Variants in ZFYVE21 observed in about 807,000 individuals in gnomAD.
ZFYVE21 encodes the protein zinc finger FYVE-type containing 21.
In ZFYVE21, 21 loss-of-function variants were observed where a neutral mutation model predicts 29.5. The ratio of observed to expected loss-of-function variants is 0.71; its 90% CI spans 0.50 to 1.02. ZFYVE21 has a LOEUF of 1.02. ZFYVE21 is among the 50% of genes least tolerant of loss of function. The probability of loss-of-function intolerance (pLI) is 0.00; values close to 1 mark genes in which losing one functional copy is unlikely to be tolerated. For missense variants in ZFYVE21, 326 were observed against 335.4 expected, an observed-to-expected ratio of 0.97 and a Z score of 0.22; for synonymous variants, 151 against 133.8, an observed-to-expected ratio of 1.13 and a Z score of -0.89.
At position 103,733,080 on chromosome 14, in the gene ZFYVE21, A is replaced by G; in HGVS notation, c.*62A>G. 1 of 1,602,300 alleles carries G rather than the reference A, an allele frequency of 6.2e-7. No individual in the cohort carries two copies. The highest frequency in any genetic ancestry group is 8.6e-7 in the Non-Finnish European group (1 of 1,169,350). On this transcript the variant is annotated 3_prime_UTR_variant, in exon 7 of 7. Coordinates refer to ENST00000311141, the MANE Select transcript of ZFYVE21 (RefSeq NM_024071.4). ...CCAGGACTGAGTCGCTTGGAACAGC[A>G]GAGCCTGCTCCTTGCGTACCACAGG...
Position 103,716,024 on chromosome 14 carries a change from GC to G in ZFYVE21, c.138+49del. ...GCCAGCGCCTCCGACCCGCCCCGCC[GC>G]CCCGGCCCGGCCCCGCGGGCTTCCA... is the stretch of plus-strand genomic sequence containing the variant. On this transcript the variant is annotated intron_variant, in intron 1 of 6. Coordinates refer to ENST00000311141, the MANE Select transcript of ZFYVE21 (RefSeq NM_024071.4). This position sits in a 1 kb window ranked among gnomAD's most constrained non-coding sequence, Gnocchi z 4.8. The G allele has an allele frequency of 8.4e-7, 1 of 1,188,278 alleles. No individual in the cohort carries two copies. The allele number at this position is 1,188,278 out of a possible 1,614,324, so 73.6% of individuals were successfully genotyped here. A position where few individuals can be genotyped will look rare whatever the true frequency, so the allele number is the denominator to read the frequency against.
intron 5 of ZFYVE21, chr14:103,729,586 C>G (rs2083956865): frequency 1.5e-6 from 1 of 652,594 alleles, no homozygotes; most frequent in Admixed American, 3.0e-5. Context: ...GGCGTCTGTG[C>G]AGACTAAACC....
At chr14:103,726,949 T>TTTTTTTGTTTG in intron 2 of ZFYVE21, 107 bp downstream of exon 2, 2 of 686,814 alleles carry the variant, frequency 2.9e-6, no homozygotes, top group South Asian at 2.5e-5. Flanking sequence ...TTATGGCTCG[T>TTTTTTTGTTTG]TTTTTTTTTT....
Position 103,715,860 on chromosome 14 carries a change from G to C in ZFYVE21, c.19G>C (p.Ala7Pro). Residue 7 changes from alanine to proline, a missense_variant, in exon 1 of 7, where the codon GCG (alanine) becomes CCG (proline). Transcript: ENST00000311141. The stretch of plus-strand genomic sequence containing the variant: ...CGGCGTCATGTCCTCCGAGGTGTCC[G>C]CGCGCCGCGACGCCAAGAAGCTGGT... MSSEVSARRDAKKLVRS... is the reference protein window; with the variant it reads MSSEVSPRRDAKKLVRS... The C allele has an allele frequency of 7.0e-7, 1 of 1,424,288 alleles. No individual in the cohort carries two copies. Among genetic ancestry groups the C allele is most frequent in the Non-Finnish European group, 9.2e-7 (1 of 1,084,356 alleles). 88.2% of individuals were successfully genotyped at this position (1,424,288 alleles called of 1,614,324 possible). A position where few individuals can be genotyped will look rare whatever the true frequency, so the allele number is the denominator to read the frequency against.
intron 1 of ZFYVE21, among the ~76,000 whole-genome samples, chr14:103,723,614 G>A (rs112717545): frequency 0.011 from 1,751 of 152,340 alleles, 24 homozygotes; most frequent in African/African-American, 0.034. Flanking sequence ...GGGTCGCGAC[G>A]GGCCAGTCCT....
At chr14:103,719,054 G>A (rs922482934) in intron 1 of ZFYVE21, among the ~76,000 whole-genome samples, 4 of 152,200 alleles carry the variant, frequency 2.6e-5, no homozygotes, top group Non-Finnish European at 4.4e-5. Context: ...AAAGAATCAA[G>A]CTGGGGAGGT....
chr14:103,724,351 G>A (rs576046381), intron 1 of ZFYVE21, among the ~76,000 whole-genome samples: 4 of 152,254 alleles, frequency 2.6e-5, no homozygotes, highest in Non-Finnish European at 5.9e-5. Flanking sequence ...CGGAGGGGCC[G>A]AGCCCTGTCA....
chr14:103,728,239 T>G, intron 3 of ZFYVE21: 3 of 300,134 alleles, frequency 1.0e-5, no homozygotes, highest in East Asian at 8.8e-5. Context: ...GCAACCACTG[T>G]GGCTCCTCGG....
At chr14:103,718,984 G>T (rs1196023657) in intron 1 of ZFYVE21, among the ~76,000 whole-genome samples, 2 of 152,200 alleles carry the variant, frequency 1.3e-5, no homozygotes, top group South Asian at 4.1e-4. Context: ...GTTCTGCGAG[G>T]GTCTCACAGG....
At position 103,717,882 on chromosome 14, in the gene ZFYVE21, A is replaced by G. The variant is rs1354068714; in HGVS notation, c.138+1903A>G. On this transcript the variant is annotated intron_variant, in intron 1 of 6. Transcript: ENST00000311141. ...TGGAGCATGGTCTTACAGGCCAGAA[A>G]CGACCAAAGACAGTGTTCTGGAGGA... Among the ~76,000 whole-genome samples, 3 of 152,244 alleles carry G rather than the reference A, an allele frequency of 2.0e-5. No individual in the cohort carries two copies. The East Asian group carries it at 5.8e-4, about 29-fold the overall frequency.
chr14:103,721,907 G>C (rs1439245071), intron 1 of ZFYVE21, among the ~76,000 whole-genome samples: 1 of 152,250 alleles, frequency 6.6e-6, no homozygotes, highest in African/African-American at 2.4e-5. Flanking sequence ...CCTGGGATGT[G>C]ACGCAGAGGC....
chr14:103,717,162 G>T (rs2083831347), intron 1 of ZFYVE21, among the ~76,000 whole-genome samples: 1 of 152,274 alleles, frequency 6.6e-6, no homozygotes, highest in East Asian at 1.9e-4. Flanking sequence ...ACAGTGTACG[G>T]AGCCATCACC....
In ZFYVE21 at chr14:103,715,899, G is replaced by T; in HGVS notation, c.58G>T (p.Gly20Cys). ...DAKKLVRSPS[G>C]LRMVPEHRAF... ...CAAGAAGCTGGTGCGCTCCCCGAGC[G>T]GCCTGCGCATGGTGCCCGAACACCG... The change falls in exon 1 of 7, where the codon GGC (glycine) becomes TGC (cysteine). Residue 20 changes from glycine to cysteine, a missense_variant. By Grantham distance (159) the Gly-to-Cys change is radical (BLOSUM62 -3). Transcript: ENST00000311141. 1.4e-6 allele frequency: 2 copies of T among 1,440,108 alleles called. No individual in the cohort carries two copies. The highest frequency in any genetic ancestry group is 1.8e-6 in the Non-Finnish European group (2 of 1,090,354). The allele number at this position is 1,440,108 out of a possible 1,614,324, so 89.2% of individuals were successfully genotyped here.
chr14:103,724,222 T>C (rs887012335), intron 1 of ZFYVE21, among the ~76,000 whole-genome samples: 2 of 152,196 alleles, frequency 1.3e-5, no homozygotes, highest in Non-Finnish European at 2.9e-5. Flanking sequence ...TTCCAGAAGG[T>C]GCTCGGCCCC....
intron 1 of ZFYVE21, among the ~76,000 whole-genome samples, chr14:103,717,013 T>C (rs1198918601): frequency 2.6e-5 from 4 of 152,244 alleles, no homozygotes; most frequent in African/African-American, 9.6e-5. Flanking sequence ...ACGTTGGAAC[T>C]AGGTTCAAGA....
intron 1 of ZFYVE21, among the ~76,000 whole-genome samples, chr14:103,723,804 A>G (rs1331442677): frequency 2.6e-5 from 4 of 152,128 alleles, no homozygotes; most frequent in African/African-American, 7.2e-5. Flanking sequence ...TTGGCACCTG[A>G]TGTGGACTGT....
At chr14:103,727,360 GC>G (rs561182560) in intron 2 of ZFYVE21, 8 of 358,460 alleles carry the variant, frequency 2.2e-5, no homozygotes, top group Non-Finnish European at 2.2e-5. Context: ...GCACCCACCT[GC>G]CCCCCGCCCC....
chr14:103,726,450 T>C, intron 1 of ZFYVE21: 2 of 216,722 alleles, frequency 9.2e-6, no homozygotes, highest in Middle Eastern at 1.7e-3. Flanking sequence ...AAAAAGGCGT[T>C]GTTAAGGTGA....
Position 103,716,262 on chromosome 14 carries a change from C to T in ZFYVE21, c.138+283C>T, listed in dbSNP as rs1196909583. Among the ~76,000 whole-genome samples the T allele has an allele frequency of 6.6e-6, 1 of 152,038 alleles. No homozygotes were observed. The highest frequency in any genetic ancestry group is 1.5e-5 in the Non-Finnish European group (1 of 67,956). On this transcript the variant is annotated intron_variant, in intron 1 of 6. Coordinates refer to ENST00000311141, the MANE Select transcript of ZFYVE21 (RefSeq NM_024071.4). This position sits in a 1 kb window ranked among gnomAD's most constrained non-coding sequence, Gnocchi z 4.8. Reference sequence around the variant, plus strand: ...GGGCGCCGGGAGGCGGGGTGCGGGGCGCGGGCTGGTCCCGGGGGTGGGTGC... The same window carrying T: ...GGGCGCCGGGAGGCGGGGTGCGGGGTGCGGGCTGGTCCCGGGGGTGGGTGC...
Sources: gnomAD v4.1 joint callset for allele counts (sites outside exome capture counted in the v4.1 genomes callset) on GRCh38, gnomAD v4.1.1 for gene constraint, Gnocchi (gnomAD v3.1) non-coding constraint, MANE v1.5 for transcripts, NCBI Gene and HGNC (gene_info 2026-07-23, HGNC 2026-07-21) for gene names.